Variants in CACNG4 observed in about 807,000 individuals in gnomAD.
CACNG4 encodes the protein calcium voltage-gated channel auxiliary subunit gamma 4.
In CACNG4, 8 loss-of-function variants were observed where a neutral mutation model predicts 22.9. The observed-to-expected ratio is 0.35, with a 90% confidence interval of 0.21 to 0.63. The LOEUF is 0.63. Ranked by LOEUF, CACNG4 falls within the 30% of genes least tolerant of loss-of-function variation. The probability of loss-of-function intolerance (pLI) is 0.72; values close to 1 mark genes in which losing one functional copy is unlikely to be tolerated. For missense variants in CACNG4, 357 were observed against 455.4 expected, an observed-to-expected ratio of 0.78 and a Z score of 1.97; for synonymous variants, 188 against 191.9, an observed-to-expected ratio of 0.98 and a Z score of 0.17.
At chr17:67,004,380 G>T (rs2035425296) in intron 1 of CACNG4, among the ~76,000 whole-genome samples, 1 of 152,170 alleles carries the variant, frequency 6.6e-6, no homozygotes, top group Admixed American at 6.5e-5. Flanking sequence ...GAGGCGTGAG[G>T]CTGGTGCTGT....
At chr17:66,998,006 C>T (rs2143320156) in intron 1 of CACNG4, among the ~76,000 whole-genome samples, 1 of 152,178 alleles carries the variant, frequency 6.6e-6, no homozygotes, top group African/African-American at 2.4e-5. Context: ...AGAGAAAGGC[C>T]ACAGGAACCA....
intron 1 of CACNG4, among the ~76,000 whole-genome samples, chr17:67,014,937 CA>C: frequency 9.8e-6 from 1 of 102,388 alleles, no homozygotes; most frequent in South Asian, 2.7e-4. Flanking sequence ...ACTCCATCTC[CA>C]AAAACAAAAA....
intron 3 of CACNG4, among the ~76,000 whole-genome samples, chr17:67,028,618 T>C (rs1004838071): frequency 6.6e-6 from 1 of 151,970 alleles, no homozygotes; most frequent in African/African-American, 2.4e-5. Flanking sequence ...TCAGGCGCCC[T>C]GTGTGCTGGG....
At chr17:66,994,567 A>G (rs762608091) in intron 1 of CACNG4, among the ~76,000 whole-genome samples, 1 of 152,182 alleles carries the variant, frequency 6.6e-6, no homozygotes, top group African/African-American at 2.4e-5. Flanking sequence ...AGTCCTGGTG[A>G]CCACGGAGCC....
intron 1 of CACNG4, among the ~76,000 whole-genome samples, chr17:67,000,351 C>T (rs1210786224): frequency 3.3e-5 from 5 of 152,116 alleles, no homozygotes; most frequent in African/African-American, 4.8e-5. Context: ...CCCACCAAGC[C>T]CCACGCCTGG....
intron 1 of CACNG4, among the ~76,000 whole-genome samples, chr17:67,011,255 C>T (rs1261241183): frequency 6.6e-6 from 1 of 152,158 alleles, no homozygotes; most frequent in Non-Finnish European, 1.5e-5. Flanking sequence ...TCCCTCTCCT[C>T]TTCTAGTGTT....
chr17:67,025,451 T>C (rs534530308), intron 3 of CACNG4, among the ~76,000 whole-genome samples: 15 of 151,884 alleles, frequency 9.9e-5, no homozygotes, highest in African/African-American at 3.1e-4. Flanking sequence ...CTCGAAGGAG[T>C]TGGCCAGGTA....
At chr17:66,987,181 C>T (rs1292244947) in intron 1 of CACNG4, among the ~76,000 whole-genome samples, 1 of 152,192 alleles carries the variant, frequency 6.6e-6, no homozygotes, top group Non-Finnish European at 1.5e-5. Context: ...GATTAGGTAA[C>T]TTGCCTGAGG....
chr17:67,029,733 A>C (rs191314874), intron 3 of CACNG4, among the ~76,000 whole-genome samples: 12 of 152,392 alleles, frequency 7.9e-5, no homozygotes, highest in Admixed American at 5.2e-4. Flanking sequence ...TGTTCCACAT[A>C]ACGTAAAATG....
chr17:67,031,463 C>A lies in CACNG4; in HGVS notation c.*459C>A, dbSNP rs1327690450. On this transcript the variant is annotated 3_prime_UTR_variant, in exon 4 of 4. Transcript: ENST00000262138. This position sits in a 1 kb window ranked among gnomAD's most constrained non-coding sequence, Gnocchi z 4.0. The stretch of plus-strand genomic sequence containing the variant: ...ACGGTCTCTGGGCTCTTGTCAGCTG[C>A]TTTTGAACCTGAGGTTCCTGCGTCG... 4.4e-6 allele frequency: 2 copies of A among 458,718 alleles called. No individual in the cohort carries two copies. The highest frequency in any genetic ancestry group is 8.8e-6 in the Non-Finnish European group (2 of 228,262). The allele number at this position is 458,718 out of a possible 1,614,324, so 28.4% of individuals were successfully genotyped here. A position where few individuals can be genotyped will look rare whatever the true frequency, so the allele number is the denominator to read the frequency against.
chr17:66,988,552 C>G (rs1188220447), intron 1 of CACNG4, among the ~76,000 whole-genome samples: 1 of 152,174 alleles, frequency 6.6e-6, no homozygotes, highest in Admixed American at 6.5e-5. Flanking sequence ...TCACTTGCCC[C>G]CTCGCCTCGC....
At chr17:67,022,137 G>A (rs3785580) in intron 2 of CACNG4, among the ~76,000 whole-genome samples, 2,930 of 151,204 alleles carry the variant, frequency 0.019, 95 homozygotes, top group East Asian at 0.13. Flanking sequence ...GTGCAGTGGC[G>A]CGATCTTGGC....
At chr17:66,993,166 G>A (rs926412572) in intron 1 of CACNG4, among the ~76,000 whole-genome samples, 7 of 152,384 alleles carry the variant, frequency 4.6e-5, no homozygotes, top group Middle Eastern at 6.8e-3. Flanking sequence ...ACGGTGGCTC[G>A]TGTGGGCCTG....
At chr17:66,993,088 GTGCTCAGC>G (rs2035351384) in intron 1 of CACNG4, among the ~76,000 whole-genome samples, 1 of 152,024 alleles carries the variant, frequency 6.6e-6, no homozygotes, top group Admixed American at 6.5e-5. Flanking sequence ...GGCACCTGTG[GTGCTCAGC>G]TGGCATCCAC....
At chr17:67,005,590 A>C (rs2035432739) in intron 1 of CACNG4, among the ~76,000 whole-genome samples, 1 of 152,170 alleles carries the variant, frequency 6.6e-6, no homozygotes, top group African/African-American at 2.4e-5. Flanking sequence ...TCTCTCCAAG[A>C]ATCCTGCTTC....
rs576600805 is a variant in CACNG4 at position 67,019,394 on chromosome 17, C to T, written c.304+1122C>T. Reference sequence around the variant, plus strand: ...CTGTCTATGCTCTCGTTCTGCTTACCGGGGGCCCACACTGAACCAAGCAAA... The same window carrying T: ...CTGTCTATGCTCTCGTTCTGCTTACTGGGGGCCCACACTGAACCAAGCAAA... On this transcript the variant is annotated intron_variant, in intron 2 of 3. Coordinates refer to ENST00000262138, the MANE Select transcript of CACNG4 (RefSeq NM_014405.4). Among the ~76,000 whole-genome samples the T allele has an allele frequency of 3.3e-5, 5 of 152,234 alleles. 1 individual carries two copies. The South Asian group carries it at 6.2e-4, about 19-fold the overall frequency.
chr17:66,979,467 T>C (rs2035258031), intron 1 of CACNG4, among the ~76,000 whole-genome samples: 1 of 152,196 alleles, frequency 6.6e-6, no homozygotes, highest in Non-Finnish European at 1.5e-5. Context: ...TGTGGAACCT[T>C]TGAAGATCAT....
intron 1 of CACNG4, among the ~76,000 whole-genome samples, chr17:66,988,035 T>TTGTG (rs747107768): frequency 1.8e-4 from 27 of 149,002 alleles, no homozygotes; most frequent in African/African-American, 2.8e-4. Flanking sequence ...TACATCCTTT[T>TTGTG]TGTGTGTGTG....
intron 2 of CACNG4, among the ~76,000 whole-genome samples, chr17:67,019,698 G>A (rs1473528328): frequency 1.3e-5 from 2 of 152,182 alleles, no homozygotes; most frequent in Non-Finnish European, 2.9e-5. Context: ...CCCTGGGACT[G>A]TAAGGAAAGA....
Sources: allele counts gnomAD v4.1 joint callset (sites outside exome capture counted in the v4.1 genomes callset), GRCh38; gene constraint gnomAD v4.1.1; non-coding constraint Gnocchi (gnomAD v3.1); transcripts MANE v1.5; gene names NCBI Gene and HGNC (gene_info 2026-07-23, HGNC 2026-07-21).